LRMDA: variants seen among roughly 807,000 people sequenced by gnomAD.
The protein encoded by LRMDA is leucine rich melanocyte differentiation associated, also known as leucine-rich melanocyte differentiation-associated protein.
Under a neutral mutation model 29.8 loss-of-function variants are expected in LRMDA, and 18 were observed. The ratio of observed to expected loss-of-function variants is 0.60; its 90% confidence interval spans 0.42 to 0.90. The LOEUF is 0.90. LRMDA is among the 40% of genes least tolerant of loss of function. The pLI is 0.00. For synonymous variants in LRMDA, 125 were observed against 109.4 expected, an observed-to-expected ratio of 1.14 and a Z score of -0.89; for missense variants, 273 against 273.9, an observed-to-expected ratio of 1.00 and a Z score of 0.02.
At chr10:75,851,016 C>G (rs1447329906) in intron 2 of LRMDA, among the ~76,000 whole-genome samples, 2 of 152,056 alleles carry the variant, frequency 1.3e-5, no homozygotes, top group East Asian at 3.9e-4. Flanking sequence ...TTTTTTAACC[C>G]CGCCTGGAAG....
At chr10:75,684,607 T>C (rs565694311) in intron 2 of LRMDA, among the ~76,000 whole-genome samples, 5 of 152,364 alleles carry the variant, frequency 3.3e-5, no homozygotes, top group African/African-American at 1.2e-4. Flanking sequence ...GAAGACTCCC[T>C]TCCAGCCTGC....
At chr10:76,384,616 G>A (rs1841638068) in intron 6 of LRMDA, among the ~76,000 whole-genome samples, 1 of 152,070 alleles carries the variant, frequency 6.6e-6, no homozygotes, top group African/African-American at 2.4e-5. Flanking sequence ...TTTTCTTTGA[G>A]GCCAGTTCAG....
rs1463336676 is a variant in LRMDA, at chr10:76,491,437, A to G, written c.602-65772A>G. ...TCTCCTTCATGTGAAGGACATTTTC[A>G]CCAGATAAGCTATTCTAGCATAAAA... On this transcript the variant is annotated intron_variant, in intron 6 of 6. Transcript: ENST00000611255. Among the ~76,000 whole-genome samples, 4 of 152,034 alleles carry G rather than the reference A, an allele frequency of 2.6e-5. No homozygotes were observed. The East Asian group carries it at 7.8e-4, about 30-fold the overall frequency.
intron 5 of LRMDA, among the ~76,000 whole-genome samples, chr10:76,178,274 C>G (rs557100265): frequency 6.6e-6 from 1 of 152,132 alleles, no homozygotes; most frequent in South Asian, 2.1e-4. Context: ...TTATGGTAGA[C>G]CAGGCCAACC....
At chr10:76,048,489 G>A (rs1324409673) in intron 4 of LRMDA, among the ~76,000 whole-genome samples, 3 of 152,140 alleles carry the variant, frequency 2.0e-5, no homozygotes, top group Non-Finnish European at 4.4e-5. Flanking sequence ...ATTGTAACTG[G>A]TCGCATTAGC....
chr10:76,442,416 A>G (rs1455880395), intron 6 of LRMDA, among the ~76,000 whole-genome samples: 1 of 152,192 alleles, frequency 6.6e-6, no homozygotes, highest in African/African-American at 2.4e-5. Flanking sequence ...CATAGGCCAG[A>G]TGTGGTGGCT....
intron 5 of LRMDA, among the ~76,000 whole-genome samples, chr10:76,205,809 A>G (rs2132238549): frequency 6.6e-6 from 1 of 151,936 alleles, no homozygotes; most frequent in South Asian, 2.1e-4. Context: ...TTGTGAAGTA[A>G]CTCTTGGGGG....
intron 6 of LRMDA, among the ~76,000 whole-genome samples, chr10:76,394,814 G>T (rs571072311): frequency 6.6e-6 from 1 of 152,276 alleles, no homozygotes; most frequent in East Asian, 1.9e-4. Flanking sequence ...ATGAGAATGT[G>T]CCCAGGCATG....
chr10:76,107,686 C>T (rs1175351263), intron 5 of LRMDA, among the ~76,000 whole-genome samples: 4 of 152,200 alleles, frequency 2.6e-5, no homozygotes, highest in Admixed American at 6.5e-5. Flanking sequence ...TTTTGCTGGT[C>T]TCTGGATGCC....
intron 2 of LRMDA, among the ~76,000 whole-genome samples, chr10:75,556,360 C>G (rs1840213407): frequency 6.6e-6 from 1 of 152,102 alleles, no homozygotes; most frequent in Non-Finnish European, 1.5e-5. Flanking sequence ...CAAGGGCATA[C>G]AGATAGGAAA....
chr10:75,899,884 C>T (rs979948411), intron 2 of LRMDA, among the ~76,000 whole-genome samples: 5 of 152,160 alleles, frequency 3.3e-5, no homozygotes, highest in Non-Finnish European at 5.9e-5. Context: ...CCACATCAGG[C>T]CCAGAAGAGA....
chr10:75,563,452 T>C (rs1475628339), intron 2 of LRMDA, among the ~76,000 whole-genome samples: 1 of 152,134 alleles, frequency 6.6e-6, no homozygotes, highest in African/African-American at 2.4e-5. Context: ...TCAAAGTTTT[T>C]AACTTCTTTG....
chr10:76,476,732 A>G (rs1478775799), intron 6 of LRMDA, among the ~76,000 whole-genome samples: 1 of 152,194 alleles, frequency 6.6e-6, no homozygotes, highest in Non-Finnish European at 1.5e-5. Flanking sequence ...CCTGGGATGC[A>G]AGGCTGGTTC....
At chr10:75,877,220 C>T (rs1320296952) in intron 2 of LRMDA, among the ~76,000 whole-genome samples, 1 of 152,228 alleles carries the variant, frequency 6.6e-6, no homozygotes, top group East Asian at 1.9e-4. Context: ...GCTGGGCTTA[C>T]GTCCCCTTTC....
intron 6 of LRMDA, among the ~76,000 whole-genome samples, chr10:76,505,327 A>G (rs1842948056): frequency 6.6e-6 from 1 of 151,906 alleles, no homozygotes; most frequent in Non-Finnish European, 1.5e-5. Flanking sequence ...GGTTCTTGGT[A>G]TTTCTTGAAT....
At chr10:75,970,643 G>A (rs1393506596) in intron 2 of LRMDA, among the ~76,000 whole-genome samples, 1 of 152,170 alleles carries the variant, frequency 6.6e-6, no homozygotes, top group East Asian at 1.9e-4. Context: ...GGTACCCCTG[G>A]GGACCAAAAG....
intron 2 of LRMDA, among the ~76,000 whole-genome samples, chr10:76,033,530 C>T (rs1443663580): frequency 1.3e-5 from 2 of 152,090 alleles, no homozygotes; most frequent in African/African-American, 2.4e-5. Flanking sequence ...CATGCTGTGT[C>T]GTTTTGCTTT....
At chr10:75,452,008 G>A (rs921562603) in intron 2 of LRMDA, among the ~76,000 whole-genome samples, 5 of 152,252 alleles carry the variant, frequency 3.3e-5, no homozygotes, top group South Asian at 4.1e-4. Flanking sequence ...ATTCTGTGCC[G>A]TTGGCTTGGT....
intron 5 of LRMDA, among the ~76,000 whole-genome samples, chr10:76,320,876 T>C (rs1363623533): frequency 6.6e-6 from 1 of 152,214 alleles, no homozygotes; most frequent in African/African-American, 2.4e-5. Context: ...TTTAAAATAA[T>C]TTTTAGGTGT....
Sources: gnomAD v4.1 joint callset for allele counts (sites outside exome capture counted in the v4.1 genomes callset) on GRCh38, gnomAD v4.1.1 for gene constraint, MANE v1.5 for transcripts, NCBI Gene and HGNC (gene_info 2026-07-23, HGNC 2026-07-21) for gene names.